QRFPR: variants seen among roughly 807,000 people sequenced by gnomAD.
QRFPR encodes the protein pyroglutamylated RFamide peptide receptor.
In QRFPR, 37 loss-of-function variants were observed where a neutral mutation model predicts 31.3. The ratio of observed to expected loss-of-function variants is 1.18; its 90% CI spans 0.91 to 1.56. QRFPR has a LOEUF of 1.56. Among genes scored for constraint, QRFPR ranks in the 40% most tolerant of loss-of-function variants. QRFPR has a pLI of 0.00. For synonymous variants in QRFPR, 197 were observed against 192.0 expected, an observed-to-expected ratio of 1.03 and a Z score of -0.22; for missense variants, 542 against 532.5, an observed-to-expected ratio of 1.02 and a Z score of -0.18.
At chr4:121,371,489 C>T (rs1441344352) in intron 1 of QRFPR, among the ~76,000 whole-genome samples, 1 of 152,052 alleles carries the variant, frequency 6.6e-6, no homozygotes, top group East Asian at 1.9e-4. Context: ...GAATTGGCAG[C>T]CTGGAAGTTG....
chr4:121,360,856 G>A (rs913635757), intron 1 of QRFPR, among the ~76,000 whole-genome samples: 12 of 152,002 alleles, frequency 7.9e-5, no homozygotes, highest in African/African-American at 2.7e-4. Flanking sequence ...CAAACTCCAG[G>A]CATACAGAAC....
intron 1 of QRFPR, among the ~76,000 whole-genome samples, chr4:121,370,757 T>C (rs942468082): frequency 2.0e-5 from 3 of 152,204 alleles, no homozygotes; most frequent in African/African-American, 4.8e-5. Flanking sequence ...GACTTTAAAA[T>C]GAGATTGCAT....
At chr4:121,337,817 T>C (rs1725463222) in intron 2 of QRFPR, among the ~76,000 whole-genome samples, 2 of 152,238 alleles carry the variant, frequency 1.3e-5, no homozygotes. Context: ...GAGGGATTGC[T>C]TTAATGATGT....
intron 1 of QRFPR, among the ~76,000 whole-genome samples, chr4:121,347,471 T>C (rs1725676920): frequency 6.6e-6 from 1 of 152,140 alleles, no homozygotes; most frequent in African/African-American, 2.4e-5. Flanking sequence ...CTCCCACAGC[T>C]TCTAATTTTC....
chr4:121,342,045 G>T (rs1446352844), intron 1 of QRFPR, among the ~76,000 whole-genome samples: 1 of 152,206 alleles, frequency 6.6e-6, no homozygotes, highest in South Asian at 2.1e-4. Context: ...GTTTCCAGAA[G>T]AGATGAGCAT....
chr4:121,356,284 G>A (rs1258973906), intron 1 of QRFPR, among the ~76,000 whole-genome samples: 1 of 152,076 alleles, frequency 6.6e-6, no homozygotes, highest in African/African-American at 2.4e-5. Flanking sequence ...CAATCTCTTT[G>A]TTAAATTTCT....
intron 1 of QRFPR, among the ~76,000 whole-genome samples, chr4:121,353,337 G>C (rs1606576): frequency 0.16 from 23,770 of 151,986 alleles, 2,754 homozygotes; most frequent in East Asian, 0.54. Flanking sequence ...TCCACCAACA[G>C]TGTATGAGGT....
At chr4:121,343,444 C>G (rs527800573) in intron 1 of QRFPR, among the ~76,000 whole-genome samples, 5 of 152,266 alleles carry the variant, frequency 3.3e-5, no homozygotes, top group Middle Eastern at 3.4e-3. Flanking sequence ...TTTCCCAAAA[C>G]AAAATCCTGT....
intron 1 of QRFPR, among the ~76,000 whole-genome samples, chr4:121,359,327 C>T (rs574491286): frequency 8.5e-5 from 13 of 152,060 alleles, no homozygotes; most frequent in Non-Finnish European, 1.9e-4. Flanking sequence ...GAGGGTGTTG[C>T]CAAAAGGGAT....
At chr4:121,334,346 C>T (rs1560733027) in intron 3 of QRFPR, 3 of 155,164 alleles carry the variant, frequency 1.9e-5, no homozygotes, top group Non-Finnish European at 4.4e-5. Flanking sequence ...TATTTCCAAA[C>T]ATACACTTCT....
At chr4:121,369,679 C>T in intron 1 of QRFPR, 1 of 1,581,492 alleles carries the variant, frequency 6.3e-7, no homozygotes, top group South Asian at 1.1e-5. Context: ...CAAAGAGGCC[C>T]CACTTATCTG....
chr4:121,367,649 T>G lies in QRFPR; in HGVS notation c.340+12659A>C, dbSNP rs371527437. ...TCTCTAAAATTATTCTACACACAAA[T>G]GTAGCTAACACTTTAAGTAGCAGAA... On this transcript the variant is annotated intron_variant, in intron 1 of 5. Coordinates refer to ENST00000394427, the MANE Select transcript of QRFPR (RefSeq NM_198179.3). Among the ~76,000 whole-genome samples the G allele has an allele frequency of 4.7e-5, 7 of 150,360 alleles. No individual in the cohort carries two copies. In the South Asian group the frequency reaches 1.0e-3, roughly 23 times the overall value.
At chr4:121,351,603 T>C (rs1007342064) in intron 1 of QRFPR, among the ~76,000 whole-genome samples, 9 of 152,138 alleles carry the variant, frequency 5.9e-5, no homozygotes, top group African/African-American at 1.9e-4. Context: ...ATTATGTTTA[T>C]AATGTTAAAA....
intron 1 of QRFPR, chr4:121,369,750 A>G (rs968544776): frequency 1.2e-6 from 2 of 1,601,552 alleles, no homozygotes; most frequent in African/African-American, 2.7e-5. Context: ...GGGCCAGGTA[A>G]GGCTGTGGAA....
At chr4:121,379,147 C>T (rs1408953299) in intron 1 of QRFPR, among the ~76,000 whole-genome samples, 1 of 152,194 alleles carries the variant, frequency 6.6e-6, no homozygotes, top group African/African-American at 2.4e-5. Flanking sequence ...CAAGTCAATG[C>T]TCTGTACTCA....
chr4:121,356,087 G>A (rs964979299), intron 1 of QRFPR, among the ~76,000 whole-genome samples: 6 of 152,126 alleles, frequency 3.9e-5, no homozygotes, highest in African/African-American at 7.2e-5. Flanking sequence ...GATCTATAGT[G>A]CAGACCAAGT....
Position 121,340,331 on chromosome 4 carries a change from A to C in QRFPR, c.499+121T>G, listed in dbSNP as rs750813260. 24 of 1,108,760 alleles carry C rather than the reference A, an allele frequency of 2.2e-5. No homozygotes were observed. The East Asian group carries it at 4.9e-4, about 23-fold the overall frequency. 68.7% of individuals were successfully genotyped at this position (1,108,760 alleles called of 1,614,324 possible). The stretch of plus-strand genomic sequence containing the variant: ...AACAGGGAAAGCACTGAAACTCTCA[A>C]ATTATATTCCAATGCCTACAAGTTA... On this transcript the variant is annotated intron_variant, in intron 2 of 5. Transcript: ENST00000394427.
intron 1 of QRFPR, among the ~76,000 whole-genome samples, chr4:121,360,219 C>T (rs1215744388): frequency 1.3e-5 from 2 of 152,190 alleles, no homozygotes; most frequent in African/African-American, 4.8e-5. Flanking sequence ...TCACCACTTA[C>T]ACCTTTCAGT....
At chr4:121,348,082 A>T (rs899207327) in intron 1 of QRFPR, among the ~76,000 whole-genome samples, 1 of 152,042 alleles carries the variant, frequency 6.6e-6, no homozygotes. Context: ...TCTTCACCAC[A>T]GTATAGTAGT....
Sources: allele counts gnomAD v4.1 joint callset (sites outside exome capture counted in the v4.1 genomes callset), GRCh38; gene constraint gnomAD v4.1.1; transcripts MANE v1.5; gene names NCBI Gene and HGNC (gene_info 2026-07-23, HGNC 2026-07-21).